CDH12: variants seen among roughly 807,000 people sequenced by gnomAD.
CDH12 encodes cadherin-12.
A neutral mutation model predicts 74.1 loss-of-function variants in CDH12; 41 were observed. The observed-to-expected ratio is 0.55, with a 90% confidence interval of 0.43 to 0.72. The LOEUF is 0.72. CDH12 is among the 30% of genes least tolerant of loss of function. The pLI is 0.00. For missense variants in CDH12, 945 were observed against 977.2 expected (o/e 0.97, Z 0.44); for synonymous variants, 399 against 355.0 (o/e 1.12, Z -1.39).
intron 1 of CDH12, among the ~76,000 whole-genome samples, chr5:22,739,325 T>A (rs1308796382): frequency 3.6e-5 from 5 of 139,430 alleles, no homozygotes; most frequent in African/African-American, 1.3e-4. Flanking sequence ...TACTTTTTTT[T>A]ACTTACATTA....
At chr5:22,237,387 T>C (rs1031445171) in intron 3 of CDH12, among the ~76,000 whole-genome samples, 1 of 152,180 alleles carries the variant, frequency 6.6e-6, no homozygotes, top group African/African-American at 2.4e-5. Context: ...CCCAAATTCA[T>C]ACGTTAAAAT....
intron 3 of CDH12, among the ~76,000 whole-genome samples, chr5:22,298,982 A>G (rs1297367077): frequency 1.3e-5 from 2 of 152,212 alleles, no homozygotes; most frequent in African/African-American, 4.8e-5. Context: ...TTCTACTATA[A>G]TCTAGACACT....
chr5:21,922,577 G>C (rs976292524), intron 6 of CDH12, among the ~76,000 whole-genome samples: 3 of 152,126 alleles, frequency 2.0e-5, no homozygotes, highest in African/African-American at 7.2e-5. Flanking sequence ...GGTAAAGGTA[G>C]ATGATACGAA....
intron 4 of CDH12, among the ~76,000 whole-genome samples, chr5:22,190,322 C>T (rs1192317786): frequency 2.0e-5 from 3 of 151,868 alleles, no homozygotes; most frequent in African/African-American, 7.3e-5. Flanking sequence ...GATGAGAACT[C>T]ATTTCAATTT....
chr5:22,451,356 A>G (rs1745035430), intron 2 of CDH12, among the ~76,000 whole-genome samples: 1 of 151,944 alleles, frequency 6.6e-6, no homozygotes, highest in Non-Finnish European at 1.5e-5. Context: ...TATTTAAAAT[A>G]AATCTTTAAT....
chr5:21,999,594 G>T (rs1235046262), intron 5 of CDH12, among the ~76,000 whole-genome samples: 2 of 151,986 alleles, frequency 1.3e-5, no homozygotes, highest in East Asian at 1.9e-4. Flanking sequence ...TGATAAATCT[G>T]AGTATTAGTG....
At position 21,802,350 on chromosome 5, in the gene CDH12, C is replaced by CGTT; in HGVS notation, c.1072_1073insAAC (p.His357_Arg358insGln). On this transcript the variant is annotated inframe_insertion, in exon 10 of 15. Transcript: ENST00000382254. ...TTTGAAAGGGCCCGCCGAGTGAAAC[C>CGTT]GGTGGTCAAGGTGAAGGTTGGAAGC... 6.2e-7 allele frequency: 1 copy of CGTT among 1,613,776 alleles called. No individual in the cohort carries two copies. The highest frequency in any genetic ancestry group is 1.1e-5 in the South Asian group (1 of 91,074).
Position 21,912,459 on chromosome 5 carries a change from G to A in CDH12, c.527-57669C>T, listed in dbSNP as rs193203636. Reference sequence around the variant, plus strand: ...GAGAGAAAGACTGAAGTCTAAAGCTGAGAATAAAAGATATCAAACTCCTTA... The same window carrying A: ...GAGAGAAAGACTGAAGTCTAAAGCTAAGAATAAAAGATATCAAACTCCTTA... On this transcript the variant is annotated intron_variant, in intron 6 of 14. Coordinates refer to ENST00000382254, the MANE Select transcript of CDH12 (RefSeq NM_004061.5). 5.2e-3 allele frequency among the ~76,000 whole-genome samples: 799 copies of A among 152,206 alleles called. 3 individuals carry two copies. Among genetic ancestry groups the A allele is most frequent in the Non-Finnish European group, 8.3e-3 (564 of 67,998 alleles).
intron 4 of CDH12, among the ~76,000 whole-genome samples, chr5:22,207,400 A>G (rs1259797727): frequency 1.3e-5 from 2 of 152,126 alleles, no homozygotes; most frequent in African/African-American, 4.8e-5. Context: ...TTTCTGTTCT[A>G]CTATTCAACT....
At chr5:22,228,176 GTTA>G (rs1407455777) in intron 3 of CDH12, among the ~76,000 whole-genome samples, 8 of 151,792 alleles carry the variant, frequency 5.3e-5, no homozygotes, top group Non-Finnish European at 1.2e-4. Context: ...TTAACACTTA[GTTA>G]TTAATAATGG....
chr5:21,821,915 A>T (rs1036850730), intron 8 of CDH12, among the ~76,000 whole-genome samples: 1 of 151,930 alleles, frequency 6.6e-6, no homozygotes, highest in Non-Finnish European at 1.5e-5. Flanking sequence ...TTATTTTTTT[A>T]AATTTCTTAA....
chr5:21,965,797 A>C (rs1756555393), intron 6 of CDH12, among the ~76,000 whole-genome samples: 1 of 152,140 alleles, frequency 6.6e-6, no homozygotes, highest in African/African-American at 2.4e-5. Flanking sequence ...TATCACAATG[A>C]GGCAACCAAA....
rs12656736 is a variant in CDH12, at chr5:22,353,840, T to C, written c.-333+51417A>G. Among the ~76,000 whole-genome samples the C allele has an allele frequency of 7.6e-4, 116 of 152,286 alleles. 5 individuals carry two copies. The East Asian group carries it at 0.021, about 28-fold the overall frequency. On this transcript the variant is annotated intron_variant, in intron 3 of 14. Coordinates refer to ENST00000382254, the MANE Select transcript of CDH12 (RefSeq NM_004061.5). ...GATGTGCGTTTAAACTACAGATATT[T>C]CTGAGAATTGCAATGCATCAAGTGT...
chr5:22,813,679 G>T (rs181258357), intron 1 of CDH12, among the ~76,000 whole-genome samples: 19 of 151,976 alleles, frequency 1.3e-4, no homozygotes, highest in Non-Finnish European at 2.6e-4. Context: ...GTCATCTCGG[G>T]GTGGCTCACA....
At position 21,802,268 on chromosome 5, in the gene CDH12, G is replaced by T; in HGVS notation, c.1155C>A (p.Ser385Arg). 6.2e-7 allele frequency: 1 copy of T among 1,613,528 alleles called. No individual in the cohort carries two copies. Among genetic ancestry groups the T allele is most frequent in the East Asian group, 2.2e-5 (1 of 44,720 alleles). The change falls in exon 10 of 15, where the codon AGC becomes AGA. Residue 385 changes from serine (S) to arginine (R), a missense_variant. This residue lies in a region of CDH12 where 791 missense variants were observed against 792.8 expected (regional missense o/e 1.00). Transcript: ENST00000382254. Reference protein sequence around the residue: ...VLDVDEPPVFSKPLYTMEVYE... With the variant: ...VLDVDEPPVFRKPLYTMEVYE... The stretch of plus-strand genomic sequence containing the variant: ...AAACCTCCATGGTGTAGAGCGGCTT[G>T]CTGAAAACCGGTGGCTCATCTACGT...
At chr5:22,380,436 A>G (rs927271794) in intron 3 of CDH12, among the ~76,000 whole-genome samples, 1 of 152,112 alleles carries the variant, frequency 6.6e-6, no homozygotes, top group African/African-American at 2.4e-5. Flanking sequence ...CTTTTTTAAC[A>G]TATGTGTAAT....
At chr5:22,823,647 CAAGT>C (rs1200652131) in intron 1 of CDH12, among the ~76,000 whole-genome samples, 1 of 152,076 alleles carries the variant, frequency 6.6e-6, no homozygotes. Context: ...TTGTAATCCC[CAAGT>C]GTTGAGAAAG....
At chr5:22,229,779 T>C (rs1204482695) in intron 3 of CDH12, among the ~76,000 whole-genome samples, 1 of 152,072 alleles carries the variant, frequency 6.6e-6, no homozygotes, top group East Asian at 1.9e-4. Flanking sequence ...TCTCCTGCAC[T>C]CCGGATACTC....
intron 3 of CDH12, among the ~76,000 whole-genome samples, chr5:22,341,264 C>A (rs966090766): frequency 1.1e-4 from 16 of 152,180 alleles, no homozygotes; most frequent in African/African-American, 3.9e-4. Flanking sequence ...TAGGAGAATT[C>A]TTTGAGTCCA....
Sources: allele counts gnomAD v4.1 joint callset (sites outside exome capture counted in the v4.1 genomes callset), GRCh38; gene constraint gnomAD v4.1.1; regional missense constraint gnomAD v4.1.1; transcripts MANE v1.5; gene names NCBI Gene and HGNC (gene_info 2026-07-23, HGNC 2026-07-21).